The following DNM3 variants were observed in gnomAD, a reference collection of about 807,000 sequenced individuals.
The protein encoded by DNM3 is dynamin 3.
In DNM3, 47 loss-of-function variants were observed where a neutral mutation model predicts 101.6. The ratio of observed to expected loss-of-function variants is 0.46; its 90% CI spans 0.37 to 0.59. The LOEUF (loss-of-function observed/expected upper bound fraction) is 0.59. DNM3 is among the 20% of genes least tolerant of loss of function. The probability of loss-of-function intolerance (pLI) is 0.00; values close to 1 mark genes in which losing one functional copy is unlikely to be tolerated. For synonymous variants in DNM3, 385 were observed against 387.9 expected (o/e 0.99, Z 0.09); for missense variants, 849 against 1,085.7 (o/e 0.78, Z 3.06).
intron 14 of DNM3, among the ~76,000 whole-genome samples, chr1:172,246,608 G>A (rs1012041003): frequency 2.6e-4 from 39 of 152,112 alleles, no homozygotes; most frequent in African/African-American, 7.5e-4. Flanking sequence ...AATTAGAAAC[G>A]TTCTGTGTGG....
intron 14 of DNM3, among the ~76,000 whole-genome samples, chr1:172,196,105 T>C (rs2059938484): frequency 3.3e-5 from 5 of 151,762 alleles, no homozygotes; most frequent in Admixed American, 2.6e-4. Context: ...TCAGTCTTTG[T>C]GTTCATAAAT....
intron 10 of DNM3, among the ~76,000 whole-genome samples, chr1:172,051,154 C>A (rs1265112293): frequency 6.6e-6 from 1 of 152,122 alleles, no homozygotes; most frequent in Non-Finnish European, 1.5e-5. Context: ...ATATTTATTC[C>A]AGCCTAAACT....
At chr1:171,987,980 TAGG>T (rs2045381584) in intron 3 of DNM3, among the ~76,000 whole-genome samples, 175 bp downstream of exon 3, 1 of 152,164 alleles carries the variant, frequency 6.6e-6, no homozygotes, top group Non-Finnish European at 1.5e-5. Flanking sequence ...GGAGAGGCAG[TAGG>T]AGATGACTTT....
At chr1:172,108,003 AC>A (rs2055187298) in intron 13 of DNM3, among the ~76,000 whole-genome samples, 1 of 151,840 alleles carries the variant, frequency 6.6e-6, no homozygotes, top group Non-Finnish European at 1.5e-5. Flanking sequence ...GGCAGGAGGT[AC>A]CCGGTGGTTA....
rs146129589 is a variant in DNM3 at position 172,347,391 on chromosome 1, T to C, written c.1893+24051T>C. On this transcript the variant is annotated intron_variant, in intron 17 of 20. Coordinates refer to ENST00000627582, the MANE Select transcript of DNM3 (RefSeq NM_015569.5). ...ATCAGACCTTCAGAGATGAGATATT[T>C]ACAATTTTGGAGTTACTAGGTACAG... 9.3e-3 allele frequency among the ~76,000 whole-genome samples: 1,415 copies of C among 152,260 alleles called. 17 individuals are homozygous for C. Among genetic ancestry groups the C allele is most frequent in the African/African-American group, 0.032 (1,312 of 41,542 alleles).
At chr1:172,170,536 G>T (rs1453958112) in intron 14 of DNM3, among the ~76,000 whole-genome samples, 1 of 151,826 alleles carries the variant, frequency 6.6e-6, no homozygotes, top group African/African-American at 2.4e-5. Context: ...TGTGTGTAAG[G>T]CTCCTAGTAT....
chr1:171,928,794 G>C (rs1353879995), intron 2 of DNM3, among the ~76,000 whole-genome samples: 1 of 152,182 alleles, frequency 6.6e-6, no homozygotes, highest in Non-Finnish European at 1.5e-5. Context: ...TTCCCGGTGA[G>C]GAGATATGGG....
chr1:172,022,485 G>A (rs1039523810), intron 4 of DNM3, among the ~76,000 whole-genome samples: 4 of 152,018 alleles, frequency 2.6e-5, no homozygotes, highest in Non-Finnish European at 5.9e-5. Context: ...ACTAAGTATA[G>A]ATCTAGCTTC....
At chr1:172,146,105 G>T in intron 14 of DNM3, among the ~76,000 whole-genome samples, 5 of 152,282 alleles carry the variant, frequency 3.3e-5, no homozygotes, top group Admixed American at 3.3e-4. Context: ...TGACCAACCA[G>T]ACTAAGAAAC....
intron 14 of DNM3, among the ~76,000 whole-genome samples, chr1:172,238,726 A>C (rs1475372272): frequency 6.6e-6 from 1 of 152,084 alleles, no homozygotes; most frequent in Non-Finnish European, 1.5e-5. Flanking sequence ...AAGAGGGAGA[A>C]ACCTAGAAAC....
At chr1:171,962,486 TATC>T (rs1277566899) in intron 2 of DNM3, among the ~76,000 whole-genome samples, 1 of 152,156 alleles carries the variant, frequency 6.6e-6, no homozygotes, top group African/African-American at 2.4e-5. Flanking sequence ...TATAACAAAA[TATC>T]ACAGACTGGG....
At chr1:171,918,593 G>C (rs1038464440) in intron 1 of DNM3, among the ~76,000 whole-genome samples, 1 of 152,194 alleles carries the variant, frequency 6.6e-6, no homozygotes, top group African/African-American at 2.4e-5. Flanking sequence ...CTTCGAAATA[G>C]TAAAATTTGA....
intron 4 of DNM3, among the ~76,000 whole-genome samples, chr1:172,025,766 CA>C (rs2048163633): frequency 6.6e-6 from 1 of 152,108 alleles, no homozygotes; most frequent in Non-Finnish European, 1.5e-5. Context: ...TCAACGTCAA[CA>C]AAAAGGACAT....
intron 1 of DNM3, among the ~76,000 whole-genome samples, chr1:171,895,456 T>C (rs896703927): frequency 1.3e-5 from 2 of 152,278 alleles, no homozygotes; most frequent in African/African-American, 2.4e-5. Context: ...TGTCTGTTCA[T>C]ATCCTTTGCC....
chr1:172,090,390 G>A (rs776910789), intron 12 of DNM3, among the ~76,000 whole-genome samples: 4 of 152,146 alleles, frequency 2.6e-5, no homozygotes, highest in Non-Finnish European at 5.9e-5. Flanking sequence ...CGCTGTGTGC[G>A]CCAGGGCATG....
chr1:172,154,631 C>T (rs752197095), intron 14 of DNM3, among the ~76,000 whole-genome samples: 3 of 152,034 alleles, frequency 2.0e-5, no homozygotes, highest in Non-Finnish European at 4.4e-5. Flanking sequence ...TTAGATCCCA[C>T]CCCGTAAATG....
At chr1:172,337,865 ATTTTT>A (rs2066501095) in intron 17 of DNM3, among the ~76,000 whole-genome samples, 3 of 87,042 alleles carry the variant, frequency 3.4e-5, no homozygotes, top group Admixed American at 1.1e-4. Flanking sequence ...ATTTTATTTT[ATTTTT>A]ATTTTATTTT....
chr1:172,134,317 T>C (rs2148104427), intron 14 of DNM3, among the ~76,000 whole-genome samples: 1 of 152,304 alleles, frequency 6.6e-6, no homozygotes, highest in East Asian at 1.9e-4. Context: ...CCTTCGTGAA[T>C]TTAAGCAGGT....
chr1:172,202,221 T>A (rs1308848463), intron 14 of DNM3, among the ~76,000 whole-genome samples: 1 of 152,190 alleles, frequency 6.6e-6, no homozygotes, highest in African/African-American at 2.4e-5. Context: ...AATACTAGCC[T>A]CATAGGATGA....
Sources: allele counts gnomAD v4.1 joint callset (sites outside exome capture counted in the v4.1 genomes callset), GRCh38; gene constraint gnomAD v4.1.1; transcripts MANE v1.5; gene names NCBI Gene and HGNC (gene_info 2026-07-23, HGNC 2026-07-21).